KCNAB1: variants seen among roughly 807,000 people sequenced by gnomAD.
KCNAB1 encodes the protein potassium voltage-gated channel subfamily A regulatory beta subunit 1, also known as voltage-gated potassium channel subunit beta-1.
Under a neutral mutation model 64.6 loss-of-function variants are expected in KCNAB1, and 35 were observed. The observed-to-expected ratio is 0.54, with a 90% CI of 0.41 to 0.72. The LOEUF is 0.72. Ranked by LOEUF, KCNAB1 falls within the 30% of genes least tolerant of loss-of-function variation. The pLI is 0.00. For synonymous variants in KCNAB1, 177 were observed against 183.8 expected (o/e 0.96, Z 0.30); for missense variants, 401 against 512.9 (o/e 0.78, Z 2.11).
chr3:156,207,841 AAT>A (rs1230846650), intron 1 of KCNAB1, among the ~76,000 whole-genome samples: 2 of 152,182 alleles, frequency 1.3e-5, no homozygotes, highest in Non-Finnish European at 2.9e-5. Context: ...ATTTCTGTTT[AAT>A]ATATAGAGAA....
Position 156,120,737 on chromosome 3 carries a change from T to C in KCNAB1, c.126T>C (p.Ala42=). Residue 42 remains alanine, a synonymous_variant, in exon 1 of 14, where the codon GCT becomes GCC. Coordinates refer to ENST00000490337, the MANE Select transcript of KCNAB1 (RefSeq NM_172160.3). The part of the protein sequence containing the change: ...DKSPKKASEN[A]KDSSLSPSGE... ...CTCCCAAGAAAGCCTCAGAAAACGC[T>C]AAAGACAGCAGCCTTAGTCCCTCAG... is the stretch of plus-strand genomic sequence containing the variant. 1 of 1,614,230 alleles carries C rather than the reference T, an allele frequency of 6.2e-7. No individual in the cohort carries two copies. Among genetic ancestry groups the C allele is most frequent in the Non-Finnish European group, 8.5e-7 (1 of 1,180,038 alleles).
chr3:156,245,747 C>G (rs975854345), intron 1 of KCNAB1, among the ~76,000 whole-genome samples: 5 of 152,124 alleles, frequency 3.3e-5, no homozygotes, highest in African/African-American at 1.2e-4. Flanking sequence ...TCTTTACAAC[C>G]TTGCCCATGG....
intron 1 of KCNAB1, among the ~76,000 whole-genome samples, chr3:156,290,058 C>T (rs1262939192): frequency 6.6e-6 from 1 of 152,148 alleles, no homozygotes; most frequent in Non-Finnish European, 1.5e-5. Context: ...CTTTGTGGCC[C>T]AGCAACAAGC....
At chr3:156,177,416 G>A (rs772295396) in intron 1 of KCNAB1, among the ~76,000 whole-genome samples, 4 of 151,872 alleles carry the variant, frequency 2.6e-5, no homozygotes, top group Non-Finnish European at 5.9e-5. Flanking sequence ...TCTCTCTGTC[G>A]CCGAGGCTGG....
At chr3:156,408,846 T>G (rs1296182235) in intron 1 of KCNAB1, among the ~76,000 whole-genome samples, 1 of 152,164 alleles carries the variant, frequency 6.6e-6, no homozygotes, top group African/African-American at 2.4e-5. Flanking sequence ...AAGTATGTGT[T>G]TATGTTCACC....
At chr3:156,302,995 C>A (rs1409259506) in intron 1 of KCNAB1, among the ~76,000 whole-genome samples, 3 of 152,214 alleles carry the variant, frequency 2.0e-5, no homozygotes, top group African/African-American at 7.2e-5. Context: ...CAGAATAGAC[C>A]TTAACCCTTC....
intron 1 of KCNAB1, among the ~76,000 whole-genome samples, chr3:156,225,858 A>G (rs1049348488): frequency 1.2e-4 from 19 of 152,196 alleles, no homozygotes; most frequent in African/African-American, 4.6e-4. Flanking sequence ...ATACATAGGA[A>G]TATACCTAAC....
At chr3:156,143,566 CTTGT>C in intron 1 of KCNAB1, 2 of 159,586 alleles carry the variant, frequency 1.3e-5, no homozygotes, top group Non-Finnish European at 2.1e-5. Context: ...GGGTTGCATT[CTTGT>C]TTTTTTTTTT....
intron 1 of KCNAB1, among the ~76,000 whole-genome samples, chr3:156,123,313 G>C (rs1713458762): frequency 6.6e-6 from 1 of 152,164 alleles, no homozygotes; most frequent in South Asian, 2.1e-4. Context: ...TCATCAGTAA[G>C]GAATTGCTAG....
chr3:156,165,229 G>C lies in KCNAB1; in HGVS notation c.275+44343G>C, dbSNP rs1483480617. 4.2e-5 allele frequency among the ~76,000 whole-genome samples: 5 copies of C among 119,370 alleles called. No individual in the cohort carries two copies. In the Admixed American group the frequency reaches 5.9e-4, roughly 14 times the overall value. The allele number at this position is 119,370 out of a possible 152,430, so 78.3% of individuals were successfully genotyped here. A position where few individuals can be genotyped will look rare whatever the true frequency, so the allele number is the denominator to read the frequency against. ...GGAGGCGGAGCTTGCAGTGAGCCGA[G>C]ATCCCGCCACTGCACTCCAGCCTGG... On this transcript the variant is annotated intron_variant, in intron 1 of 13. Coordinates refer to ENST00000490337, the MANE Select transcript of KCNAB1 (RefSeq NM_172160.3).
chr3:156,410,815 G>A (rs1714596790), intron 1 of KCNAB1, among the ~76,000 whole-genome samples: 1 of 152,158 alleles, frequency 6.6e-6, no homozygotes, highest in South Asian at 2.1e-4. Flanking sequence ...TTGTATGAAT[G>A]TACCCAAATT....
At chr3:156,304,869 G>A (rs1294282038) in intron 1 of KCNAB1, among the ~76,000 whole-genome samples, 1 of 152,214 alleles carries the variant, frequency 6.6e-6, no homozygotes, top group Non-Finnish European at 1.5e-5. Flanking sequence ...GCTTAAAGAA[G>A]TAAGAGATAC....
rs769732818 is a variant in KCNAB1, at chr3:156,513,920, AAGTCCAATATAC to A, written c.659-442_659-431del. Among the ~76,000 whole-genome samples the A allele has an allele frequency of 1.2e-3, 184 of 152,330 alleles. 2 individuals are homozygous for A. Among genetic ancestry groups the A allele is most frequent in the Non-Finnish European group, 2.1e-3 (143 of 68,038 alleles). ...CATTCTGTGTGAGGTCCAGCTCTGCAAGTCCAATATACAAAGACAAGCCTTTCACCTTCAATG... is the reference window on the plus strand; with the variant it reads ...CATTCTGTGTGAGGTCCAGCTCTGCAAAAGACAAGCCTTTCACCTTCAATG... On this transcript the variant is annotated intron_variant, in intron 8 of 13. Transcript: ENST00000490337.
chr3:156,436,000 A>C (rs7651884), intron 2 of KCNAB1, among the ~76,000 whole-genome samples: 5,434 of 152,152 alleles, frequency 0.036, 328 homozygotes, highest in African/African-American at 0.13. Context: ...TGGTTTGCTG[A>C]ACCTGTCAAC....
intron 1 of KCNAB1, among the ~76,000 whole-genome samples, chr3:156,404,572 C>T (rs1200238672): frequency 1.3e-5 from 2 of 152,142 alleles, no homozygotes; most frequent in Non-Finnish European, 2.9e-5. Flanking sequence ...CTTTATCTCA[C>T]AAGTACTTTT....
At chr3:156,522,673 C>A (rs1718032912) in intron 11 of KCNAB1, among the ~76,000 whole-genome samples, 2 of 152,190 alleles carry the variant, frequency 1.3e-5, no homozygotes, top group Admixed American at 6.5e-5. Flanking sequence ...AATGTGGTTA[C>A]CCTTTTCTTT....
intron 1 of KCNAB1, among the ~76,000 whole-genome samples, chr3:156,367,619 ATTT>A (rs35780818): frequency 6.6e-6 from 1 of 152,228 alleles, no homozygotes; most frequent in Admixed American, 6.5e-5. Context: ...GTAGCTGGCA[ATTT>A]TGAGGAGACT....
chr3:156,354,120 G>GTATATATATATATATATATATATGTGTA, intron 1 of KCNAB1, among the ~76,000 whole-genome samples: 1 of 132,558 alleles, frequency 7.5e-6, no homozygotes, highest in South Asian at 2.4e-4. Context: ...ATGTGTGTGT[G>GTATATATATATATATATATATATGTGTA]TATATATATA....
intron 2 of KCNAB1, among the ~76,000 whole-genome samples, chr3:156,439,041 A>C (rs1716800989): frequency 8.1e-6 from 1 of 123,594 alleles, no homozygotes; most frequent in Admixed American, 8.4e-5. Context: ...AAAAAAAAAA[A>C]CCAGGATAGA....
Sources: allele counts gnomAD v4.1 joint callset (sites outside exome capture counted in the v4.1 genomes callset), GRCh38; gene constraint gnomAD v4.1.1; transcripts MANE v1.5; gene names NCBI Gene and HGNC (gene_info 2026-07-23, HGNC 2026-07-21).